The following RGS5 variants were observed in gnomAD, a reference collection of about 807,000 sequenced individuals.
RGS5 encodes regulator of G-protein signalling 5.
Under a neutral mutation model 18.9 loss-of-function variants are expected in RGS5, and 20 were observed. The ratio of observed to expected loss-of-function variants is 1.06; its 90% CI spans 0.74 to 1.54. The LOEUF (loss-of-function observed/expected upper bound fraction) is 1.54. RGS5 is among the 40% of genes most tolerant of loss of function. RGS5 has a pLI of 0.00. For synonymous variants in RGS5, 57 were observed against 76.2 expected (o/e 0.75, Z 1.31); for missense variants, 201 against 211.8 (o/e 0.95, Z 0.32).
intron 2 of RGS5, among the ~76,000 whole-genome samples, chr1:163,266,121 C>G (rs1399998406): frequency 6.9e-6 from 1 of 144,504 alleles, no homozygotes; most frequent in Non-Finnish European, 1.5e-5. Context: ...CCCCATCAAC[C>G]TCAGAGGGAT....
In RGS5 at chr1:163,262,151, C is replaced by CTTTTTTTTTT. The variant is rs532698783; in HGVS notation, c.-281+44072_-281+44081dup. ...GAGCTGATCACACTGAGTTTTGAAA[C>CTTTTTTTTTT]TTTTTTTTTTTTTTTTTTATTATAC... On this transcript the variant is annotated intron_variant, in intron 2 of 5. Transcript: ENST00000618415. 3.6e-3 allele frequency among the ~76,000 whole-genome samples: 437 copies of CTTTTTTTTTT among 120,952 alleles called. 5 individuals carry two copies. The highest frequency in any genetic ancestry group is 9.5e-3 in the South Asian group (32 of 3,356). The allele number at this position is 120,952 out of a possible 152,430, so 79.3% of individuals were successfully genotyped here. A position where few individuals can be genotyped will look rare whatever the true frequency, so the allele number is the denominator to read the frequency against.
chr1:163,290,653 C>CAAAA (rs66595263), intron 2 of RGS5, among the ~76,000 whole-genome samples: 1 of 128,700 alleles, frequency 7.8e-6, no homozygotes, highest in African/African-American at 2.8e-5. Context: ...CAGCTCATAC[C>CAAAA]AAAAAAAAAA....
intron 1 of RGS5, among the ~76,000 whole-genome samples, chr1:163,194,564 G>A (rs1659485293): frequency 6.6e-6 from 1 of 152,044 alleles, no homozygotes. Flanking sequence ...AGAAGCCAGT[G>A]TTACAGCTCA....
chr1:163,153,218 T>C (rs1657447363), intron 3 of RGS5, among the ~76,000 whole-genome samples: 1 of 152,194 alleles, frequency 6.6e-6, no homozygotes, highest in African/African-American at 2.4e-5. Context: ...TTAACTATTA[T>C]GTCCCAAGCA....
At chr1:163,317,553 C>T (rs1186155028) in intron 1 of RGS5, among the ~76,000 whole-genome samples, 3 of 152,162 alleles carry the variant, frequency 2.0e-5, no homozygotes, top group African/African-American at 7.2e-5. Context: ...GGTATTGCTG[C>T]CCTTTGAGTT....
At chr1:163,262,215 G>GT (rs1648462742) in intron 2 of RGS5, among the ~76,000 whole-genome samples, 1 of 111,236 alleles carries the variant, frequency 9.0e-6, no homozygotes, top group African/African-American at 3.5e-5. Flanking sequence ...GTGCAGGTTT[G>GT]TTACATATGT....
In RGS5 at chr1:163,147,021, T is replaced by TCATTGATAGA. The variant is rs1657155932; in HGVS notation, c.*320_*321insTCTATCAATG. The TCATTGATAGA allele has an allele frequency of 5.2e-6, 1 of 190,878 alleles. No individual in the cohort carries two copies. The highest frequency in any genetic ancestry group is 1.7e-4 in the South Asian group (1 of 5,826). 11.8% of individuals were successfully genotyped at this position (190,878 alleles called of 1,614,324 possible). ...TGGAAATCTATTACTTAACCCACAT[T>TCATTGATAGA]CATTGATATCATAGTCTTGTCTTAT... On this transcript the variant is annotated 3_prime_UTR_variant, in exon 5 of 5. Transcript: ENST00000313961.
intron 2 of RGS5, among the ~76,000 whole-genome samples, chr1:163,236,232 C>G (rs1473518406): frequency 6.6e-6 from 1 of 151,908 alleles, no homozygotes; most frequent in South Asian, 2.1e-4. Flanking sequence ...CCCAAAACAC[C>G]TCATTGACAC....
In RGS5 at chr1:163,250,705, A is replaced by T. The variant is rs537889090; in HGVS notation, c.-281+55528T>A. Reference sequence around the variant, plus strand: ...CCCCGAAAAAATAGAAAATATTATTAGTGTTAGAAAAGTGCCAGTTTCAGC... The same window carrying T: ...CCCCGAAAAAATAGAAAATATTATTTGTGTTAGAAAAGTGCCAGTTTCAGC... On this transcript the variant is annotated intron_variant, in intron 2 of 5. Transcript: ENST00000618415. 7.9e-5 allele frequency among the ~76,000 whole-genome samples: 12 copies of T among 152,312 alleles called. No individual in the cohort carries two copies. The East Asian group carries it at 2.3e-3, about 29-fold the overall frequency.
In RGS5 at chr1:163,144,635, G is replaced by A. The variant is rs553573335; in HGVS notation, c.*2707C>T. 2.6e-5 allele frequency: 4 copies of A among 152,652 alleles called. 1 individual carries two copies. In the South Asian group the frequency reaches 6.2e-4, roughly 24 times the overall value. 9.5% of individuals were successfully genotyped at this position (152,652 alleles called of 1,614,324 possible). A position where few individuals can be genotyped will look rare whatever the true frequency, so the allele number is the denominator to read the frequency against. On this transcript the variant is annotated 3_prime_UTR_variant, in exon 5 of 5. Coordinates refer to ENST00000313961, the MANE Select transcript of RGS5 (RefSeq NM_003617.4). ...AGACATTTACTCAAGGGAACGTGGA[G>A]AGGAGGAGGAGGAGGGAGCTGGAGT...
At chr1:163,241,060 T>A (rs755434897) in intron 2 of RGS5, among the ~76,000 whole-genome samples, 2 of 152,208 alleles carry the variant, frequency 1.3e-5, no homozygotes, top group Non-Finnish European at 2.9e-5. Context: ...TTCTGCTAAC[T>A]TGTCTTCAGG....
chr1:163,309,531 G>A (rs6698731), intron 1 of RGS5, among the ~76,000 whole-genome samples: 32,376 of 151,232 alleles, frequency 0.21, 3,688 homozygotes, highest in African/African-American at 0.3. Context: ...GAAACAACTC[G>A]TCATCCATTC....
chr1:163,180,693 T>TTTTG lies in RGS5; in HGVS notation c.45-12326_45-12325insCAAA, dbSNP rs1392941455. 4.1e-3 allele frequency among the ~76,000 whole-genome samples: 506 copies of TTTTG among 122,460 alleles called. 30 individuals carry two copies. Among genetic ancestry groups the TTTTG allele is most frequent in the African/African-American group, 0.016 (477 of 29,372 alleles). The allele number at this position is 122,460 out of a possible 152,430, so 80.3% of individuals were successfully genotyped here. A position where few individuals can be genotyped will look rare whatever the true frequency, so the allele number is the denominator to read the frequency against. ...TAATAAAGCCCTTACCCTGTTTTTTTTTTTTTTTTTTTTTTTTTTGAGACG... is the reference window on the plus strand; with the variant it reads ...TAATAAAGCCCTTACCCTGTTTTTTTTTTGTTTTTTTTTTTTTTTTTTTGAGACG... On this transcript the variant is annotated intron_variant, in intron 1 of 4. Transcript: ENST00000313961.
intron 2 of RGS5, among the ~76,000 whole-genome samples, chr1:163,266,331 G>T (rs965194364): frequency 6.6e-6 from 1 of 151,924 alleles, no homozygotes; most frequent in East Asian, 1.9e-4. Context: ...TACCTACTTA[G>T]TTCGGGCCTC....
chr1:163,248,804 T>G (rs1648022164), intron 2 of RGS5: 1 of 152,292 alleles, frequency 6.6e-6, no homozygotes, highest in South Asian at 2.1e-4. Flanking sequence ...GAGATTGTGA[T>G]TGGAGTTGAC....
chr1:163,298,340 G>C (rs951459871), intron 2 of RGS5, among the ~76,000 whole-genome samples: 6 of 152,004 alleles, frequency 3.9e-5, no homozygotes, highest in Admixed American at 2.0e-4. Flanking sequence ...TTCAATAATT[G>C]AATCTATGAA....
chr1:163,300,451 C>A (rs750140107), intron 2 of RGS5: 3 of 152,246 alleles, frequency 2.0e-5, no homozygotes, highest in Non-Finnish European at 2.9e-5. Context: ...TTCAAAATAT[C>A]TTTCAGTGCT....
intron 2 of RGS5, among the ~76,000 whole-genome samples, chr1:163,274,244 G>A (rs1200425098): frequency 3.3e-5 from 5 of 151,564 alleles, no homozygotes; most frequent in African/African-American, 1.2e-4. Flanking sequence ...GATTACCAGA[G>A]AGACAAGAAA....
intron 2 of RGS5, among the ~76,000 whole-genome samples, chr1:163,166,207 A>G (rs1478365161): frequency 6.6e-6 from 1 of 152,188 alleles, no homozygotes; most frequent in Non-Finnish European, 1.5e-5. Flanking sequence ...AAGGGCTACT[A>G]AAAGTGCAAA....
Sources: allele counts gnomAD v4.1 joint callset (sites outside exome capture counted in the v4.1 genomes callset), GRCh38; gene constraint gnomAD v4.1.1; transcripts MANE v1.5; gene names NCBI Gene and HGNC (gene_info 2026-07-23, HGNC 2026-07-21).